The following ITPR2 variants were observed in gnomAD, a reference collection of about 807,000 sequenced individuals.
ITPR2 encodes inositol 1,4,5-trisphosphate-gated calcium channel ITPR2.
ITPR2 carries 207 observed loss-of-function variants against 317.1 expected under a neutral mutation model. That is an observed-to-expected ratio of 0.65 (90% confidence interval 0.58 to 0.73). The LOEUF (loss-of-function observed/expected upper bound fraction) is 0.73, where lower values mean the gene tolerates loss of function less well. ITPR2 is among the 30% of genes least tolerant of loss of function. The probability of loss-of-function intolerance (pLI) is 0.00; values close to 1 mark genes in which losing one functional copy is unlikely to be tolerated. For missense variants in ITPR2, 2,613 were observed against 3,284.0 expected (o/e 0.80, Z 4.99); for synonymous variants, 1,156 against 1,149.1 (o/e 1.01, Z -0.12).
In ITPR2 at chr12:26,585,371, CA is replaced by C. The variant is rs1445290324; in HGVS notation, c.4381-5217del. On this transcript the variant is annotated intron_variant, in intron 32 of 56. Coordinates refer to ENST00000381340, the MANE Select transcript of ITPR2 (RefSeq NM_002223.4). ...TATAATAATTTATTTAACCGTTTGTCAAATATTAAATATTTAAGCTATTTCC... is the reference window on the plus strand; with the variant it reads ...TATAATAATTTATTTAACCGTTTGTCAATATTAAATATTTAAGCTATTTCC... 5.3e-5 allele frequency among the ~76,000 whole-genome samples: 8 copies of C among 152,250 alleles called. No homozygotes were observed. The East Asian group carries it at 1.5e-3, about 29-fold the overall frequency.
rs569639122 is a variant in ITPR2 at position 26,512,109 on chromosome 12, C to T, written c.5074-16849G>A. Among the ~76,000 whole-genome samples, 8 of 151,130 alleles carry T rather than the reference C, an allele frequency of 5.3e-5. No individual in the cohort carries two copies. The East Asian group carries it at 7.8e-4, about 15-fold the overall frequency. On this transcript the variant is annotated intron_variant, in intron 37 of 56. Coordinates refer to ENST00000381340, the MANE Select transcript of ITPR2 (RefSeq NM_002223.4). ...CAGGACCCCAAAATGACTAAGCCAA[C>T]GGGAAAATCAAGCTGGGAACTGTGT...
rs113145253 is a variant in ITPR2 at position 26,828,285 on chromosome 12, T to A, written c.92+4405A>T. Among the ~76,000 whole-genome samples the A allele has an allele frequency of 1.6e-3, 245 of 152,312 alleles. 1 individual carries two copies. The highest frequency in any genetic ancestry group is 5.6e-3 in the African/African-American group (234 of 41,568). ...GACAATGAGAAATCACAACTACCAC[T>A]CTGCTTTGGTTTCATAGCCCTAAAA... On this transcript the variant is annotated intron_variant, in intron 1 of 56. Coordinates refer to ENST00000381340, the MANE Select transcript of ITPR2 (RefSeq NM_002223.4).
At chr12:26,585,693 C>T (rs931592089) in intron 32 of ITPR2, among the ~76,000 whole-genome samples, 1 of 152,214 alleles carries the variant, frequency 6.6e-6, no homozygotes, top group Non-Finnish European at 1.5e-5. Flanking sequence ...GTCTGAGCCA[C>T]TACACCCGAC....
intron 52 of ITPR2, 92 bp downstream of exon 52, chr12:26,411,228 T>A: frequency 1.3e-6 from 1 of 796,876 alleles, no homozygotes; most frequent in East Asian, 2.6e-5. Context: ...ATCATGAAAT[T>A]TGTAGAGCAA....
chr12:26,417,391 G>C (rs773606049), intron 50 of ITPR2, among the ~76,000 whole-genome samples: 2 of 152,132 alleles, frequency 1.3e-5, no homozygotes, highest in Non-Finnish European at 2.9e-5. Flanking sequence ...TTGGCTCTGT[G>C]TCTCCACCCA....
intron 45 of ITPR2, among the ~76,000 whole-genome samples, chr12:26,461,433 T>A (rs1164679681): frequency 6.6e-6 from 1 of 151,950 alleles, no homozygotes; most frequent in Non-Finnish European, 1.5e-5. Context: ...GCCAGACTTA[T>A]TTGTTTACAT....
chr12:26,516,285 G>GGGAAGGGAAGGGAAAGGAAAGGAAA (rs1943504560), intron 37 of ITPR2, among the ~76,000 whole-genome samples: 2 of 42,838 alleles, frequency 4.7e-5, no homozygotes, highest in African/African-American at 2.4e-4. Context: ...GGGAAGGGAA[G>GGGAAGGGAAGGGAAAGGAAAGGAAA]GGAAAGGAAA....
chr12:26,394,623 G>A (rs1161586796), intron 54 of ITPR2, among the ~76,000 whole-genome samples: 6 of 152,266 alleles, frequency 3.9e-5, no homozygotes, highest in Admixed American at 2.6e-4. Context: ...AGATTGTGGG[G>A]GTAGCTTAGA....
chr12:26,734,970 G>A (rs1949091706), intron 2 of ITPR2, among the ~76,000 whole-genome samples: 1 of 147,478 alleles, frequency 6.8e-6, no homozygotes. Flanking sequence ...TTAACAAACT[G>A]TAATTGTGTA....
At position 26,655,173 on chromosome 12, in the gene ITPR2, T is replaced by C. The variant is rs1377631815; in HGVS notation, c.2589+535A>G. On this transcript the variant is annotated intron_variant, in intron 20 of 56. Coordinates refer to ENST00000381340, the MANE Select transcript of ITPR2 (RefSeq NM_002223.4). Reference sequence around the variant, plus strand: ...AGATAAAAAAAAGTATCCAAACATTTTACAAAATATGCAAAACTGCCTTTC... The same window carrying C: ...AGATAAAAAAAAGTATCCAAACATTCTACAAAATATGCAAAACTGCCTTTC... 3.3e-5 allele frequency among the ~76,000 whole-genome samples: 5 copies of C among 152,134 alleles called. No homozygotes were observed. The East Asian group carries it at 7.7e-4, about 23-fold the overall frequency.
chr12:26,366,299 GC>G (rs1939007596), intron 55 of ITPR2, among the ~76,000 whole-genome samples: 1 of 152,064 alleles, frequency 6.6e-6, no homozygotes, highest in Admixed American at 6.6e-5. Context: ...CATGCCCTGT[GC>G]AACTGTTCTT....
Position 26,725,764 on chromosome 12 carries a change from G to A in ITPR2, c.165C>T (p.Asp55=). 1 of 1,602,630 alleles carries A rather than the reference G, an allele frequency of 6.2e-7. No individual in the cohort carries two copies. Among genetic ancestry groups the A allele is most frequent in the Non-Finnish European group, 8.5e-7 (1 of 1,170,016 alleles). The change falls in exon 3 of 57, where the codon GAC becomes GAT. Residue 55 remains aspartate (D), a splice_region_variant and synonymous_variant. Transcript: ENST00000381340. ...TCATAGGGCACACCTTGAAAAGGCA[G>A]TCTGTGACAAACCAACATACAAAAA... ...DLANPPKKFR[D]CLFKVCPMNR... is the part of the protein sequence containing the mutation.
In ITPR2 at chr12:26,474,749, C is replaced by T. The variant is rs1001267530; in HGVS notation, c.6342+547G>A. 5.4e-5 allele frequency among the ~76,000 whole-genome samples: 8 copies of T among 147,274 alleles called. 1 individual carries two copies. The highest frequency in any genetic ancestry group is 1.4e-4 in the Admixed American group (2 of 14,782). On this transcript the variant is annotated intron_variant, in intron 45 of 56. Transcript: ENST00000381340. ...GCGGAGCTTGCAGTGAGCCGAGATCCCGCCACTGCACTCCAGCCTGGGCGA... is the reference window on the plus strand; with the variant it reads ...GCGGAGCTTGCAGTGAGCCGAGATCTCGCCACTGCACTCCAGCCTGGGCGA...
intron 2 of ITPR2, among the ~76,000 whole-genome samples, chr12:26,784,968 T>C (rs1415924102): frequency 1.1e-3 from 1 of 946 alleles, no homozygotes; most frequent in Non-Finnish European, 2.5e-3. Flanking sequence ...CTGTCTGGGA[T>C]GTGAGGAGCG....
intron 55 of ITPR2, among the ~76,000 whole-genome samples, chr12:26,345,062 G>GA (rs1173291681): frequency 1.3e-5 from 2 of 151,848 alleles, no homozygotes; most frequent in Admixed American, 1.3e-4. Context: ...CTTAATCTGA[G>GA]ACAAATATAT....
At chr12:26,417,003 T>C (rs530333981) in intron 50 of ITPR2, among the ~76,000 whole-genome samples, 10 of 152,274 alleles carry the variant, frequency 6.6e-5, no homozygotes, top group African/African-American at 2.4e-4. Context: ...GCTGTTGACA[T>C]TGGGCAAGCT....
intron 54 of ITPR2, among the ~76,000 whole-genome samples, chr12:26,391,428 G>A (rs181147602): frequency 6.6e-6 from 1 of 152,080 alleles, no homozygotes; most frequent in African/African-American, 2.4e-5. Context: ...ACTCTGGTGT[G>A]GCAGAAAGGG....
chr12:26,550,768 G>A (rs1944505691), intron 36 of ITPR2, among the ~76,000 whole-genome samples: 2 of 151,864 alleles, frequency 1.3e-5, no homozygotes, highest in Non-Finnish European at 2.9e-5. Flanking sequence ...CAGTAGCAGT[G>A]GCTGTATACA....
chr12:26,774,494 A>G (rs1038085670), intron 2 of ITPR2, among the ~76,000 whole-genome samples: 7 of 152,184 alleles, frequency 4.6e-5, no homozygotes, highest in African/African-American at 1.4e-4. Context: ...TAATTAAATA[A>G]TTCTTTTCTA....
Sources: gnomAD v4.1 joint callset for allele counts (sites outside exome capture counted in the v4.1 genomes callset) on GRCh38, gnomAD v4.1.1 for gene constraint, MANE v1.5 for transcripts, NCBI Gene and HGNC (gene_info 2026-07-23, HGNC 2026-07-21) for gene names.